Variants in DMXL1 observed in about 807,000 individuals in gnomAD.
The protein encoded by DMXL1 is Dmx like 1, also known as dmX-like protein 1.
In DMXL1, 99 loss-of-function variants were observed where a neutral mutation model predicts 319.2. That is an observed-to-expected ratio of 0.31 (90% CI 0.26 to 0.37). DMXL1 has a LOEUF of 0.37. Among genes scored for constraint, DMXL1 ranks in the 10% least tolerant of loss-of-function variants. The pLI, the probability that DMXL1 is intolerant of heterozygous loss-of-function variation, is 1.00. For missense variants in DMXL1, 3,745 were observed against 3,595.6 expected, an observed-to-expected ratio of 1.04 and a Z score of -1.06; for synonymous variants, 1,385 against 1,235.2, an observed-to-expected ratio of 1.12 and a Z score of -2.54.
chr5:119,178,297 C>G, intron 28 of DMXL1, 53 bp downstream of exon 28: 2 of 1,538,780 alleles, frequency 1.3e-6, no homozygotes, highest in East Asian at 2.3e-5. Context: ...TGAGTGATAT[C>G]ATTCTCAAAC....
At chr5:119,145,160 A>G (rs1768236790) in intron 15 of DMXL1, among the ~76,000 whole-genome samples, 2 of 151,820 alleles carry the variant, frequency 1.3e-5, no homozygotes, top group Non-Finnish European at 3.0e-5. Context: ...GCCAAACCAA[A>G]CTCAAAAATG....
intron 7 of DMXL1, 124 bp from the exon 8 acceptor site, chr5:119,118,691 A>G (rs779093463): frequency 4.3e-6 from 3 of 699,896 alleles, no homozygotes; most frequent in Admixed American, 2.9e-5. Flanking sequence ...AAATCTGTAC[A>G]TATTGATATT....
At chr5:119,138,079 G>A (rs990428238) in intron 13 of DMXL1, among the ~76,000 whole-genome samples, 9 of 152,178 alleles carry the variant, frequency 5.9e-5, no homozygotes, top group African/African-American at 1.9e-4. Context: ...CGTGGGATGC[G>A]GAAGTAGATC....
intron 10 of DMXL1, 76 bp downstream of exon 10, chr5:119,129,499 C>G: frequency 9.8e-7 from 1 of 1,023,476 alleles, no homozygotes; most frequent in South Asian, 1.6e-5. Flanking sequence ...GTAAAACTAG[C>G]TACTTGTAAT....
At chr5:119,208,621 C>T (rs1385044464) in intron 34 of DMXL1, among the ~76,000 whole-genome samples, 1 of 152,028 alleles carries the variant, frequency 6.6e-6, no homozygotes, top group African/African-American at 2.4e-5. Flanking sequence ...CGTCAAAATA[C>T]AGTCTTTTTG....
At chr5:119,078,686 C>T (rs1479353973) in intron 1 of DMXL1, among the ~76,000 whole-genome samples, 2 of 152,038 alleles carry the variant, frequency 1.3e-5, no homozygotes, top group African/African-American at 4.8e-5. Context: ...TCCTGGGCTC[C>T]AGTGATCCTC....
At chr5:119,217,891 C>A (rs1050549567) in intron 35 of DMXL1, among the ~76,000 whole-genome samples, 1 of 152,040 alleles carries the variant, frequency 6.6e-6, no homozygotes, top group African/African-American at 2.4e-5. Flanking sequence ...CTTTGTTGTT[C>A]TGTGTGCTTC....
intron 1 of DMXL1, among the ~76,000 whole-genome samples, chr5:119,075,423 A>G (rs903370834): frequency 8.6e-5 from 13 of 151,936 alleles, no homozygotes; most frequent in East Asian, 5.8e-4. Flanking sequence ...TGTTTTTAGT[A>G]GAGACGGGTT....
chr5:119,116,125 C>T, intron 6 of DMXL1, 33 bp from the exon 7 acceptor site: 1 of 1,560,632 alleles, frequency 6.4e-7, no homozygotes, highest in South Asian at 1.2e-5. Context: ...TTCTGATCTC[C>T]ATGATTTTCT....
At chr5:119,120,648 G>T (rs1338908022) in intron 8 of DMXL1, among the ~76,000 whole-genome samples, 2 of 152,132 alleles carry the variant, frequency 1.3e-5, no homozygotes, top group East Asian at 3.8e-4. Flanking sequence ...ACAAACAATA[G>T]TATTGGGAAA....
chr5:119,177,039 C>T (rs1159541831), intron 26 of DMXL1, among the ~76,000 whole-genome samples: 1 of 152,082 alleles, frequency 6.6e-6, no homozygotes, highest in African/African-American at 2.4e-5. Flanking sequence ...GAAAGTGAGC[C>T]TAAACGGACT....
rs760198646 is a variant in DMXL1 at position 119,120,973 on chromosome 5, A to T, written c.936A>T (p.Val312=). The change falls in exon 9 of 44, where the codon GTA becomes GTT. Residue 312 remains valine (V), a splice_region_variant and synonymous_variant. Transcript: ENST00000539542. Reference sequence around the variant, plus strand: ...TAGTTTTGTTTCTATTCACACAGGTAAATCTGAGACATTTTCGTAGAGGTC... The same window carrying T: ...TAGTTTTGTTTCTATTCACACAGGTTAATCTGAGACATTTTCGTAGAGGTC... The part of the protein sequence containing the change: ...SKERVQNALE[V]NLRHFRRGRR... 1 of 1,607,440 alleles carries T rather than the reference A, an allele frequency of 6.2e-7. No individual in the cohort carries two copies. Among genetic ancestry groups the T allele is most frequent in the South Asian group, 1.1e-5 (1 of 89,636 alleles).
chr5:119,094,276 C>T (rs995873415), intron 1 of DMXL1, among the ~76,000 whole-genome samples: 1 of 152,166 alleles, frequency 6.6e-6, no homozygotes, highest in African/African-American at 2.4e-5. Flanking sequence ...TAAGTTGAAG[C>T]CCATGCCCAT....
At chr5:119,122,935 T>A (rs183330285) in intron 9 of DMXL1, among the ~76,000 whole-genome samples, 1 of 152,104 alleles carries the variant, frequency 6.6e-6, no homozygotes, top group Non-Finnish European at 1.5e-5. Context: ...CTCGGCACTT[T>A]GGGAGGCCAA....
intron 39 of DMXL1, among the ~76,000 whole-genome samples, chr5:119,235,610 A>G (rs151128611): frequency 6.6e-6 from 1 of 152,296 alleles, no homozygotes; most frequent in African/African-American, 2.4e-5. Flanking sequence ...GAAAGGGCCT[A>G]CCAAGTATTG....
At chr5:119,109,648 T>A (rs1439002329) in intron 4 of DMXL1, among the ~76,000 whole-genome samples, 3 of 152,248 alleles carry the variant, frequency 2.0e-5, no homozygotes, top group African/African-American at 7.2e-5. Context: ...TTGTTCATGT[T>A]AGGTTTCCTT....
intron 1 of DMXL1, among the ~76,000 whole-genome samples, chr5:119,096,780 C>T (rs1349375890): frequency 6.6e-6 from 1 of 152,114 alleles, no homozygotes; most frequent in Admixed American, 6.5e-5. Context: ...AAGTCTTGAG[C>T]TATGTATACT....
chr5:119,081,810 G>C, intron 1 of DMXL1: 1 of 808,362 alleles, frequency 1.2e-6, no homozygotes. Flanking sequence ...AGTTATAAAG[G>C]TTTTAAGAAA....
At chr5:119,177,570 A>C (rs80092039) in intron 27 of DMXL1, 86 bp downstream of exon 27, 74,518 of 1,166,484 alleles carry the variant, frequency 0.064, 2,672 homozygotes, top group Non-Finnish European at 0.075. Flanking sequence ...TTGCCACATG[A>C]TAATCATTGT....
Sources: gnomAD v4.1 joint callset for allele counts (sites outside exome capture counted in the v4.1 genomes callset) on GRCh38, gnomAD v4.1.1 for gene constraint, MANE v1.5 for transcripts, NCBI Gene and HGNC (gene_info 2026-07-23, HGNC 2026-07-21) for gene names.